The following SMYD3 variants were observed in gnomAD, a reference collection of about 807,000 sequenced individuals.
SMYD3 encodes SET and MYND domain containing 3.
A neutral mutation model predicts 57.7 loss-of-function variants in SMYD3; 36 were observed. That is an observed-to-expected ratio of 0.62 (90% CI 0.48 to 0.82). SMYD3 has a LOEUF of 0.82. Among genes scored for constraint, SMYD3 ranks in the 40% least tolerant of loss-of-function variants. The pLI is 0.00. For synonymous variants in SMYD3, 211 were observed against 195.0 expected (o/e 1.08, Z -0.68); for missense variants, 515 against 538.8 (o/e 0.96, Z 0.44).
intron 5 of SMYD3, among the ~76,000 whole-genome samples, chr1:246,126,181 G>C (rs992551405): frequency 2.6e-5 from 4 of 152,336 alleles, no homozygotes; most frequent in Non-Finnish European, 4.4e-5. Context: ...CTGGGCATGA[G>C]CACTGCAAAG....
At chr1:246,173,614 A>C (rs2062381513) in intron 5 of SMYD3, among the ~76,000 whole-genome samples, 2 of 152,202 alleles carry the variant, frequency 1.3e-5, no homozygotes, top group South Asian at 4.1e-4. Context: ...AAACGACGAC[A>C]CAAACACACA....
chr1:245,995,059 C>G (rs1307732900), intron 5 of SMYD3, among the ~76,000 whole-genome samples: 1 of 152,072 alleles, frequency 6.6e-6, no homozygotes, highest in Non-Finnish European at 1.5e-5. Flanking sequence ...CGCCACTGCA[C>G]TCCAGCCTGG....
chr1:245,987,579 TCTTAA>T (rs1429160951), intron 5 of SMYD3, among the ~76,000 whole-genome samples: 1 of 152,246 alleles, frequency 6.6e-6, no homozygotes, highest in African/African-American at 2.4e-5. Context: ...CTTCACGTTT[TCTTAA>T]CTTATTCCTC....
rs180938982 is a variant in SMYD3 at position 245,795,743 on chromosome 1, C to T, written c.1077-31594G>A. On this transcript the variant is annotated intron_variant, in intron 10 of 11. Transcript: ENST00000490107. ...GTTCTCTGGTCAATCAAGATTTCTC[C>T]CACCTCAAGACCAGACACATGCATG... is the stretch of plus-strand genomic sequence containing the variant. 1.8e-3 allele frequency among the ~76,000 whole-genome samples: 267 copies of T among 152,240 alleles called. 3 individuals carry two copies. The highest frequency in any genetic ancestry group is 3.4e-3 in the Middle Eastern group (1 of 294).
intron 5 of SMYD3, among the ~76,000 whole-genome samples, chr1:246,071,286 G>A (rs2060437715): frequency 1.3e-5 from 2 of 152,168 alleles, no homozygotes; most frequent in African/African-American, 4.8e-5. Flanking sequence ...TGCTGAAGGT[G>A]AGGTGCCAAA....
At chr1:246,039,756 G>T (rs950234382) in intron 5 of SMYD3, among the ~76,000 whole-genome samples, 1 of 152,314 alleles carries the variant, frequency 6.6e-6, no homozygotes, top group African/African-American at 2.4e-5. Flanking sequence ...AAGCCGTGGA[G>T]AGGCGTTTTC....
chr1:246,264,441 G>C (rs760363247), intron 5 of SMYD3, among the ~76,000 whole-genome samples: 1 of 152,190 alleles, frequency 6.6e-6, no homozygotes, highest in African/African-American at 2.4e-5. Context: ...CTTCAGCCCA[G>C]AAGTTCACGA....
intron 10 of SMYD3, among the ~76,000 whole-genome samples, chr1:245,765,077 C>CAAAAAAAAAAAAAAAAAAAAAAAAA (rs746177324): frequency 1.4e-4 from 18 of 128,422 alleles, no homozygotes; most frequent in Non-Finnish European, 2.8e-4. Flanking sequence ...CACACACACA[C>CAAAAAAAAAAAAAAAAAAAAAAAAA]AAAACCACAG....
chr1:246,073,977 G>A (rs57890337), intron 5 of SMYD3, among the ~76,000 whole-genome samples: 3,028 of 152,280 alleles, frequency 0.02, 144 homozygotes, highest in East Asian at 0.16. Context: ...CCTAGGTCAA[G>A]CTTGTCCAAC....
chr1:246,249,683 C>T (rs1270719774), intron 5 of SMYD3, among the ~76,000 whole-genome samples: 1 of 152,122 alleles, frequency 6.6e-6, no homozygotes. Context: ...AATATAATTT[C>T]TGTTTCACCC....
rs10924684 is a variant in SMYD3 at position 246,307,050 on chromosome 1, C to G, written c.531+20151G>C. ...CAATATATTCTGAGAAACAACTTATCATTTTGGTAAAAACAGGAGAAGCCT... is the reference window on the plus strand; with the variant it reads ...CAATATATTCTGAGAAACAACTTATGATTTTGGTAAAAACAGGAGAAGCCT... On this transcript the variant is annotated intron_variant, in intron 5 of 11. Transcript: ENST00000490107. Among the ~76,000 whole-genome samples the G allele has an allele frequency of 8.1e-4, 124 of 152,152 alleles. 2 individuals carry two copies. The highest frequency in any genetic ancestry group is 2.7e-3 in the African/African-American group (114 of 41,524).
chr1:246,293,439 T>A (rs1196570631), intron 5 of SMYD3, among the ~76,000 whole-genome samples: 1 of 152,132 alleles, frequency 6.6e-6, no homozygotes, highest in Admixed American at 6.5e-5. Context: ...TAAGCCAGTA[T>A]CAGAAGGCAA....
At chr1:245,820,577 A>G (rs1485836545) in intron 10 of SMYD3, among the ~76,000 whole-genome samples, 1 of 152,078 alleles carries the variant, frequency 6.6e-6, no homozygotes, top group Non-Finnish European at 1.5e-5. Context: ...AATAAAGGGT[A>G]TTCAATTAGG....
chr1:245,888,687 T>C (rs2053216805), intron 8 of SMYD3, among the ~76,000 whole-genome samples: 1 of 152,240 alleles, frequency 6.6e-6, no homozygotes. Context: ...TGATATTCGA[T>C]GGATCTAAGT....
At chr1:246,414,660 C>T (rs77318145) in intron 1 of SMYD3, among the ~76,000 whole-genome samples, 12,916 of 150,484 alleles carry the variant, frequency 0.086, 686 homozygotes, top group Middle Eastern at 0.21. Flanking sequence ...AATAAATGTA[C>T]AGCTGATTCA....
chr1:246,201,985 C>G (rs2062929446), intron 5 of SMYD3, among the ~76,000 whole-genome samples: 1 of 151,196 alleles, frequency 6.6e-6, no homozygotes, highest in Non-Finnish European at 1.5e-5. Context: ...TGCACTCCAG[C>G]CTGGGCAACA....
chr1:246,412,491 CAT>C (rs982190238), intron 1 of SMYD3, among the ~76,000 whole-genome samples: 5 of 151,864 alleles, frequency 3.3e-5, no homozygotes, highest in African/African-American at 1.2e-4. Flanking sequence ...TCCAATAAAA[CAT>C]ATTGAATGAC....
chr1:246,390,522 CT>C (rs1407513926), intron 1 of SMYD3, among the ~76,000 whole-genome samples: 2 of 152,044 alleles, frequency 1.3e-5, no homozygotes, highest in African/African-American at 4.8e-5. Context: ...AAGATTCATC[CT>C]GTAATCCTTA....
intron 5 of SMYD3, among the ~76,000 whole-genome samples, chr1:246,039,664 G>A (rs1042464047): frequency 6.6e-6 from 1 of 152,182 alleles, no homozygotes; most frequent in African/African-American, 2.4e-5. Flanking sequence ...AAGAGTAGGA[G>A]TAACTGGCGA....
Sources: allele counts gnomAD v4.1 joint callset (sites outside exome capture counted in the v4.1 genomes callset), GRCh38; gene constraint gnomAD v4.1.1; transcripts MANE v1.5; gene names NCBI Gene and HGNC (gene_info 2026-07-23, HGNC 2026-07-21).